The following NUP188 variants were observed in gnomAD, a reference collection of about 807,000 sequenced individuals.
NUP188 encodes nucleoporin 188.
NUP188 carries 97 observed loss-of-function variants against 223.0 expected under a neutral mutation model. That is an observed-to-expected ratio of 0.43 (90% confidence interval 0.37 to 0.51). The LOEUF (loss-of-function observed/expected upper bound fraction) is 0.51. Among genes scored for constraint, NUP188 ranks in the 20% least tolerant of loss-of-function variants. The pLI is 0.00. For missense variants in NUP188, 1,947 were observed against 2,175.6 expected, an observed-to-expected ratio of 0.89 and a Z score of 2.09; for synonymous variants, 869 against 828.0, an observed-to-expected ratio of 1.05 and a Z score of -0.85.
chr9:128,991,235 G>C (rs952766684), intron 25 of NUP188, among the ~76,000 whole-genome samples: 6 of 142,910 alleles, frequency 4.2e-5, no homozygotes, highest in Admixed American at 1.4e-4. Context: ...TCTTATCTGT[G>C]TTCTTGTATT....
intron 25 of NUP188, 104 bp from the exon 26 acceptor site, chr9:128,993,093 C>T: frequency 1.0e-6 from 1 of 971,416 alleles, no homozygotes; most frequent in Non-Finnish European, 1.6e-6. Flanking sequence ...GGATGCTTCC[C>T]TTTCTGCCAA....
intron 8 of NUP188, among the ~76,000 whole-genome samples, chr9:128,967,714 T>C (rs993795367): frequency 6.6e-5 from 10 of 151,050 alleles, no homozygotes; most frequent in East Asian, 2.0e-4. Flanking sequence ...TGCTTGAACC[T>C]GGGAGGCGGA....
chr9:128,952,682 C>T (rs1350302944), intron 2 of NUP188, 91 bp from the exon 3 acceptor site: 3 of 1,075,524 alleles, frequency 2.8e-6, no homozygotes, highest in African/African-American at 3.2e-5. Context: ...AAGTTGGTGC[C>T]ACTGCACTCC....
In NUP188 at chr9:129,003,419, C is replaced by T; in HGVS notation, c.4399C>T (p.His1467Tyr). 5.0e-6 allele frequency: 8 copies of T among 1,612,764 alleles called. No individual in the cohort carries two copies. Among genetic ancestry groups the T allele is most frequent in the Non-Finnish European group, 6.8e-6 (8 of 1,180,000 alleles). ...GCTCTCTAACTTCATGAAGGAGTGG[C>T]ACTTCCACCTGCCTCAGCTCATGCG... ...LQLSNFMKEW[H>Y]FHLPQLMRDI... Residue 1467 changes from histidine to tyrosine, a missense_variant, in exon 38 of 44, where the codon CAC (histidine) becomes TAC (tyrosine). Transcript: ENST00000372577.
chr9:128,993,188 C>A lies in NUP188; in HGVS notation c.2641-9C>A. 6.2e-7 allele frequency: 1 copy of A among 1,612,406 alleles called. No homozygotes were observed. Among genetic ancestry groups the A allele is most frequent in the South Asian group, 1.1e-5 (1 of 91,010 alleles). On this transcript the variant is annotated splice_polypyrimidine_tract_variant and intron_variant, in intron 25 of 43. Coordinates refer to ENST00000372577, the MANE Select transcript of NUP188 (RefSeq NM_015354.3). ...GAGCTCTAAGCCTGTGTGTTCCGGT[C>A]TCCACCAGGTGGCCCCAATGTCAGT...
At chr9:129,006,021 C>A in intron 41 of NUP188, 29 bp from the exon 42 acceptor site, 1 of 1,613,264 alleles carries the variant, frequency 6.2e-7, no homozygotes, top group Non-Finnish European at 8.5e-7. Context: ...TTCCTGTTGT[C>A]TTAGTTTTTT....
chr9:128,997,807 G>A (rs972120939), intron 30 of NUP188, among the ~76,000 whole-genome samples: 2 of 151,966 alleles, frequency 1.3e-5, no homozygotes, highest in Non-Finnish European at 2.9e-5. Context: ...TGCAGCCTCC[G>A]CTTCCTGGGT....
rs538278247 is a variant in NUP188, at chr9:128,988,788, G to A, written c.2533+602G>A. ...GTTGCCCAGGCTGGAGTGCAGTGGC[G>A]CAATCTCGGCTTACTGCAGCATCTG... On this transcript the variant is annotated intron_variant, in intron 24 of 43. Transcript: ENST00000372577. 2.6e-3 allele frequency among the ~76,000 whole-genome samples: 353 copies of A among 135,272 alleles called. 4 individuals are homozygous for A. Among genetic ancestry groups the A allele is most frequent in the Middle Eastern group, 0.017 (4 of 242 alleles). 88.7% of individuals were successfully genotyped at this position (135,272 alleles called of 152,430 possible).
At chr9:128,969,768 C>T (rs1842081241) in intron 10 of NUP188, among the ~76,000 whole-genome samples, 1 of 152,070 alleles carries the variant, frequency 6.6e-6, no homozygotes. Context: ...ATTCTTCTGC[C>T]TCAGCCTCCC....
intron 2 of NUP188, among the ~76,000 whole-genome samples, chr9:128,950,606 C>A (rs1443960811): frequency 6.6e-6 from 1 of 152,044 alleles, no homozygotes; most frequent in Non-Finnish European, 1.5e-5. Context: ...TTTGGAAGGC[C>A]AAGGCAGAAG....
intron 6 of NUP188, 96 bp downstream of exon 6, chr9:128,958,150 T>C (rs1247859367): frequency 4.2e-6 from 4 of 959,136 alleles, no homozygotes; most frequent in Non-Finnish European, 4.9e-6. Context: ...TGACTCTTTG[T>C]TGGGTAAGCA....
At chr9:128,994,564 C>T in intron 28 of NUP188, 122 bp downstream of exon 28, 1 of 754,672 alleles carries the variant, frequency 1.3e-6, no homozygotes, top group Non-Finnish European at 2.3e-6. Flanking sequence ...GTTCCCTTCA[C>T]TAGAAACGTC....
intron 34 of NUP188, among the ~76,000 whole-genome samples, chr9:129,000,777 G>A (rs1308605989): frequency 6.6e-6 from 1 of 151,376 alleles, no homozygotes; most frequent in African/African-American, 2.4e-5. Context: ...GGTGGCTAAC[G>A]CCTGTAATCC....
In NUP188 at chr9:128,959,103, C is replaced by T; in HGVS notation, c.554C>T (p.Ala185Val). ...QQFEELYKTE[A>V]PTWETHGNLM... ...TTCGAAGAGCTTTATAAAACTGAAG[C>T]ACCAACTTGGGAGACACATGGAAAT... The change falls in exon 8 of 44, where the codon GCA becomes GTA. Residue 185 changes from alanine (A) to valine (V), a missense_variant. By Grantham distance (64) the Ala-to-Val change is moderately conservative. Around this residue, in one of 3 missense-constraint regions of NUP188, gnomAD observed 817 missense variants for 865.8 expected, o/e 0.94. Coordinates refer to ENST00000372577, the MANE Select transcript of NUP188 (RefSeq NM_015354.3). 6.2e-7 allele frequency: 1 copy of T among 1,601,420 alleles called. No homozygotes were observed. Among genetic ancestry groups the T allele is most frequent in the Admixed American group, 1.7e-5 (1 of 58,978 alleles).
chr9:128,980,552 G>A lies in NUP188; in HGVS notation c.1270-54G>A, dbSNP rs1842239909. On this transcript the variant is annotated intron_variant, in intron 13 of 43. Coordinates refer to ENST00000372577, the MANE Select transcript of NUP188 (RefSeq NM_015354.3). ...TCATGATTGCTGGGAAATTTGGAGA[G>A]ATGTTAATTTGTGGATAATGTGAAG... The A allele has an allele frequency of 8.4e-6, 13 of 1,555,042 alleles. No individual in the cohort carries two copies. In the South Asian group the frequency reaches 1.6e-4, roughly 19 times the overall value.
intron 11 of NUP188, among the ~76,000 whole-genome samples, chr9:128,971,373 C>T (rs1842101965): frequency 6.6e-6 from 1 of 152,144 alleles, no homozygotes; most frequent in Non-Finnish European, 1.5e-5. Context: ...TCTCTTGAGT[C>T]TTATGTTGGG....
chr9:128,956,269 G>T, intron 3 of NUP188, 81 bp from the exon 4 acceptor site: 4 of 774,446 alleles, frequency 5.2e-6, no homozygotes, highest in Middle Eastern at 4.0e-4. Flanking sequence ...ATAGTCTGTA[G>T]GAAAAATATT....
chr9:128,978,583 A>T (rs1358292039), intron 12 of NUP188, among the ~76,000 whole-genome samples: 1 of 150,220 alleles, frequency 6.7e-6, no homozygotes, highest in African/African-American at 2.5e-5. Flanking sequence ...AAAAAAAGGT[A>T]AAAAGGAAGA....
At position 129,005,689 on chromosome 9, in the gene NUP188, T is replaced by A. The variant is rs761729675; in HGVS notation, c.4782T>A (p.Phe1594Leu). 6.2e-7 allele frequency: 1 copy of A among 1,614,138 alleles called. No homozygotes were observed. The highest frequency in any genetic ancestry group is 1.7e-5 in the Admixed American group (1 of 60,004). ...AEYNFLFALS[F>L]TTPTFDSEVA... ...ACAACTTCCTGTTTGCCCTGAGCTT[T>A]ACCACTCCCACCTTTGACTCCGAAG... The change falls in exon 41 of 44, where the codon TTT becomes TTA. Residue 1594 changes from phenylalanine (F) to leucine (L), a missense_variant. Phe to Leu is a conservative substitution (Grantham distance 22). Around this residue, in one of 3 missense-constraint regions of NUP188, gnomAD observed 905 missense variants for 990.6 expected, o/e 0.91. Transcript: ENST00000372577.
Sources: allele counts gnomAD v4.1 joint callset (sites outside exome capture counted in the v4.1 genomes callset), GRCh38; gene constraint gnomAD v4.1.1; regional missense constraint gnomAD v4.1.1; transcripts MANE v1.5; gene names NCBI Gene and HGNC (gene_info 2026-07-23, HGNC 2026-07-21).